CSMD1: variants seen among roughly 807,000 people sequenced by gnomAD.
CSMD1 encodes the protein CUB and Sushi multiple domains 1.
A neutral mutation model predicts 417.5 loss-of-function variants in CSMD1; 213 were observed. The ratio of observed to expected loss-of-function variants is 0.51; its 90% CI spans 0.46 to 0.57. CSMD1 has a LOEUF of 0.57. Ranked by LOEUF, CSMD1 falls within the 20% of genes least tolerant of loss-of-function variation. CSMD1 has a pLI of 0.00. For synonymous variants in CSMD1, 2,862 were observed against 1,736.8 expected, an observed-to-expected ratio of 1.65 and a Z score of -16.11; for missense variants, 6,923 against 4,529.7, an observed-to-expected ratio of 1.53 and a Z score of -15.17.
intron 38 of CSMD1, among the ~76,000 whole-genome samples, chr8:3,159,997 A>C (rs1819783549): frequency 1.3e-5 from 2 of 152,244 alleles, no homozygotes; most frequent in African/African-American, 4.8e-5. Context: ...AGAATGGAGG[A>C]AACATGATAT....
At chr8:4,783,831 T>A (rs1228892115) in intron 1 of CSMD1, among the ~76,000 whole-genome samples, 1 of 152,190 alleles carries the variant, frequency 6.6e-6, no homozygotes, top group Non-Finnish European at 1.5e-5. Context: ...AAGGAAAACA[T>A]TCTTATATTG....
intron 1 of CSMD1, among the ~76,000 whole-genome samples, chr8:4,764,447 T>TAC: frequency 6.6e-6 from 1 of 152,182 alleles, no homozygotes; most frequent in Non-Finnish European, 1.5e-5. Flanking sequence ...TTGAAGATAA[T>TAC]TTTACGTTAT....
chr8:3,017,375 C>A (rs1808929662), intron 52 of CSMD1, among the ~76,000 whole-genome samples: 1 of 152,148 alleles, frequency 6.6e-6, no homozygotes, highest in Non-Finnish European at 1.5e-5. Context: ...CATGAAGAAG[C>A]ATACATAGTC....
intron 3 of CSMD1, among the ~76,000 whole-genome samples, chr8:4,064,205 C>G (rs1431342913): frequency 6.6e-6 from 1 of 152,186 alleles, no homozygotes; most frequent in Non-Finnish European, 1.5e-5. Context: ...TTCACCATGG[C>G]TCAGATTTGT....
At chr8:4,132,597 A>G (rs140119853) in intron 3 of CSMD1, among the ~76,000 whole-genome samples, 35 of 152,312 alleles carry the variant, frequency 2.3e-4, no homozygotes, top group African/African-American at 7.7e-4. Flanking sequence ...AATGGCTGAT[A>G]ATTCATTCCA....
rs542956525 is a variant in CSMD1 at position 4,557,062 on chromosome 8, T to G, written c.302+80280A>C. On this transcript the variant is annotated intron_variant, in intron 2 of 69. Transcript: ENST00000635120. The stretch of plus-strand genomic sequence containing the variant: ...TATAAAGGATTTTTTAACAATCACT[T>G]ATGGGTCATGAAACATACTTTATAA... Among the ~76,000 whole-genome samples, 217 of 152,336 alleles carry G rather than the reference T, an allele frequency of 1.4e-3. 1 individual carries two copies. Among genetic ancestry groups the G allele is most frequent in the Non-Finnish European group, 1.7e-3 (115 of 68,026 alleles).
At chr8:4,000,806 G>A (rs1039528835) in intron 4 of CSMD1, among the ~76,000 whole-genome samples, 2 of 151,156 alleles carry the variant, frequency 1.3e-5, no homozygotes, top group African/African-American at 4.9e-5. Context: ...CAAAAGTTAT[G>A]GCATCTCAAT....
At chr8:4,987,482 T>C (rs1039746724) in intron 1 of CSMD1, among the ~76,000 whole-genome samples, 4 of 152,188 alleles carry the variant, frequency 2.6e-5, no homozygotes, top group African/African-American at 9.7e-5. Flanking sequence ...AGACAAAAAG[T>C]TGTAGTTATC....
chr8:4,463,817 G>A (rs906059281), intron 2 of CSMD1, among the ~76,000 whole-genome samples: 3 of 152,108 alleles, frequency 2.0e-5, no homozygotes, highest in Admixed American at 1.3e-4. Context: ...AAAAATAACT[G>A]TGGTGATGAA....
At chr8:4,441,056 T>C (rs75913015) in intron 2 of CSMD1, among the ~76,000 whole-genome samples, 11,873 of 141,132 alleles carry the variant, frequency 0.084, 768 homozygotes, top group South Asian at 0.17. Flanking sequence ...TTTTAAAATA[T>C]AAACTTTTTT....
intron 1 of CSMD1, among the ~76,000 whole-genome samples, chr8:4,932,329 C>T (rs200830951): frequency 1.2e-5 from 1 of 86,396 alleles, no homozygotes; most frequent in East Asian, 2.7e-4. Context: ...ACACACTTGA[C>T]ATATTTCTAG....
At chr8:4,888,814 T>A (rs971692734) in intron 1 of CSMD1, among the ~76,000 whole-genome samples, 1 of 152,070 alleles carries the variant, frequency 6.6e-6, no homozygotes, top group Non-Finnish European at 1.5e-5. Context: ...AAAGGCCAAC[T>A]TGAAGAGACT....
chr8:4,511,048 G>A (rs1320670415), intron 2 of CSMD1, among the ~76,000 whole-genome samples: 1 of 151,898 alleles, frequency 6.6e-6, no homozygotes, highest in African/African-American at 2.4e-5. Flanking sequence ...CCCCTCTCTT[G>A]AGCTTTCTTT....
At chr8:4,113,615 A>G (rs193142568) in intron 3 of CSMD1, among the ~76,000 whole-genome samples, 2 of 152,208 alleles carry the variant, frequency 1.3e-5, no homozygotes, top group South Asian at 4.1e-4. Context: ...TGTGTTAGCC[A>G]GGATGGTCTT....
chr8:4,650,104 G>T (rs371220766), intron 1 of CSMD1, among the ~76,000 whole-genome samples: 1 of 152,260 alleles, frequency 6.6e-6, no homozygotes, highest in Admixed American at 6.5e-5. Context: ...CCAGCACTTT[G>T]GGAGGCCGAG....
intron 7 of CSMD1, among the ~76,000 whole-genome samples, chr8:3,693,475 G>C (rs1201456359): frequency 6.6e-6 from 1 of 152,122 alleles, no homozygotes; most frequent in Non-Finnish European, 1.5e-5. Flanking sequence ...TACTGAAATT[G>C]CTGGTCAAAT....
intron 10 of CSMD1, among the ~76,000 whole-genome samples, chr8:3,527,701 G>C (rs1333328967): frequency 1.3e-5 from 2 of 152,154 alleles, no homozygotes; most frequent in East Asian, 3.9e-4. Flanking sequence ...TTAGAGCAAT[G>C]TGACCCTTAC....
At chr8:4,020,880 G>C (rs1796754636) in intron 4 of CSMD1, among the ~76,000 whole-genome samples, 1 of 152,076 alleles carries the variant, frequency 6.6e-6, no homozygotes, top group Admixed American at 6.5e-5. Context: ...CCTATTTTTG[G>C]TCCTACTCAG....
chr8:2,981,706 T>A (rs1805439896), intron 54 of CSMD1, among the ~76,000 whole-genome samples: 1 of 152,086 alleles, frequency 6.6e-6, no homozygotes, highest in African/African-American at 2.4e-5. Context: ...AGGGAGAAGT[T>A]CAAATGAACA....
Sources: allele counts gnomAD v4.1 joint callset (sites outside exome capture counted in the v4.1 genomes callset), GRCh38; gene constraint gnomAD v4.1.1; transcripts MANE v1.5; gene names NCBI Gene and HGNC (gene_info 2026-07-23, HGNC 2026-07-21).